CELF2: variants seen among roughly 807,000 people sequenced by gnomAD.
The protein encoded by CELF2 is CUG triplet repeat RNA-binding protein 2.
In CELF2, 8 loss-of-function variants were observed where a neutral mutation model predicts 62.6. That is an observed-to-expected ratio of 0.13 (90% CI 0.07 to 0.23). The LOEUF (loss-of-function observed/expected upper bound fraction) is 0.23. CELF2 is among the 10% of genes least tolerant of loss of function. The pLI is 1.00. For missense variants in CELF2, 333 were observed against 671.0 expected, an observed-to-expected ratio of 0.50 and a Z score of 5.56; for synonymous variants, 258 against 250.0, an observed-to-expected ratio of 1.03 and a Z score of -0.30.
chr10:10,933,104 G>A (rs952353798), intron 2 of CELF2, among the ~76,000 whole-genome samples: 2 of 150,794 alleles, frequency 1.3e-5, no homozygotes, highest in Non-Finnish European at 2.9e-5. Context: ...AGACCAGCTT[G>A]GGCAACATGG....
intron 5 of CELF2, among the ~76,000 whole-genome samples, chr10:11,263,091 C>T (rs1162492519): frequency 2.0e-5 from 3 of 151,844 alleles, no homozygotes; most frequent in Admixed American, 6.6e-5. Flanking sequence ...CCAAAATCTT[C>T]TCTGTGACAG....
intron 1 of CELF2, among the ~76,000 whole-genome samples, chr10:10,900,764 T>C (rs2062879716): frequency 1.3e-5 from 2 of 152,094 alleles, no homozygotes; most frequent in East Asian, 1.9e-4. Context: ...GACACTTATA[T>C]TGAAAAGAAA....
At chr10:11,272,896 G>A (rs556165711) in intron 7 of CELF2, among the ~76,000 whole-genome samples, 8 of 152,250 alleles carry the variant, frequency 5.3e-5, no homozygotes, top group African/African-American at 1.9e-4. Flanking sequence ...ACATCTTCAA[G>A]GCTAGCTTAA....
chr10:10,836,690 C>T (rs1163180846), intron 1 of CELF2, among the ~76,000 whole-genome samples: 2 of 152,180 alleles, frequency 1.3e-5, no homozygotes, highest in Non-Finnish European at 2.9e-5. Context: ...GGCTGGAGTG[C>T]CATGGCACGA....
At chr10:10,636,343 T>C in the CELF2 span, among the ~76,000 whole-genome samples, 2 of 152,244 alleles carry the variant, frequency 1.3e-5, no homozygotes, top group Non-Finnish European at 2.9e-5. Context: ...TAACTATATA[T>C]GACAGATATT....
chr10:11,055,077 C>T (rs2064925331), intron 1 of CELF2, among the ~76,000 whole-genome samples: 3 of 152,324 alleles, frequency 2.0e-5, no homozygotes, highest in Middle Eastern at 3.4e-3. Flanking sequence ...GATTGAATTA[C>T]AGATGTTACT....
chr10:11,315,302 C>CCGGCACCT lies in CELF2; in HGVS notation c.1096+1045_1096+1052dup, dbSNP rs1167611561. Among the ~76,000 whole-genome samples, 3 of 152,234 alleles carry CCGGCACCT rather than the reference C, an allele frequency of 2.0e-5. No individual in the cohort carries two copies. Among genetic ancestry groups the CCGGCACCT allele is most frequent in the Middle Eastern group, 3.4e-3 (1 of 294 alleles). ...TTAGCTACCATGCAGCCCAGGCACC[C>CCGGCACCT]CGGCACCTGCCCATTCTCATTTTTA... On this transcript the variant is annotated intron_variant, in intron 10 of 12. Coordinates refer to ENST00000633077, the MANE Select transcript of CELF2 (RefSeq NM_001326342.2). This position sits in a 1 kb window ranked among gnomAD's most constrained non-coding sequence, Gnocchi z 5.8.
chr10:11,284,122 G>C (rs1315757517), intron 8 of CELF2, among the ~76,000 whole-genome samples: 1 of 132,936 alleles, frequency 7.5e-6, no homozygotes, highest in Admixed American at 7.5e-5. Context: ...TGTGGTAGGT[G>C]GATGATGGAT....
At chr10:10,490,188 A>T in the CELF2 span, among the ~76,000 whole-genome samples, 86,818 of 151,504 alleles carry the variant, frequency 0.57, 24,958 homozygotes, top group Admixed American at 0.65. Context: ...TATCAGATTT[A>T]GCCTAAATAC....
intron 1 of CELF2, among the ~76,000 whole-genome samples, chr10:10,901,064 A>G (rs2062905148): frequency 6.6e-6 from 1 of 152,236 alleles, no homozygotes; most frequent in South Asian, 2.1e-4. Flanking sequence ...CACTGAATTT[A>G]TGGGTCAGAA....
At chr10:10,544,874 A>T in the CELF2 span, among the ~76,000 whole-genome samples, 1 of 152,210 alleles carries the variant, frequency 6.6e-6, no homozygotes, top group African/African-American at 2.4e-5. Context: ...TCACTCCCGA[A>T]TTTGATATTC....
At chr10:10,989,885 A>C (rs1165142072) in intron 2 of CELF2, among the ~76,000 whole-genome samples, 1 of 152,148 alleles carries the variant, frequency 6.6e-6, no homozygotes, top group African/African-American at 2.4e-5. Context: ...ATTTATCTTC[A>C]CTAGTATTCA....
the CELF2 span, among the ~76,000 whole-genome samples, chr10:10,766,297 T>A: frequency 8.5e-5 from 13 of 152,182 alleles, no homozygotes; most frequent in Non-Finnish European, 1.6e-4. Flanking sequence ...TTCTGGGTGA[T>A]GAGGCACACG....
At position 11,314,047 on chromosome 10, in the gene CELF2, C is replaced by G. The variant is rs575195019; in HGVS notation, c.977-92C>G. On this transcript the variant is annotated intron_variant, in intron 9 of 12. Transcript: ENST00000633077. The surrounding 1 kb of genome is among the most constrained non-coding windows in gnomAD (Gnocchi z 5.3). ...AGCCACAAGCACAGCTCCTCAGCTC[C>G]GTCCACTGAGATGATGACAGAAGGA... The G allele has an allele frequency of 7.7e-7, 1 of 1,292,954 alleles. No homozygotes were observed. The highest frequency in any genetic ancestry group is 1.5e-5 in the African/African-American group (1 of 67,774). 80.1% of individuals were successfully genotyped at this position (1,292,954 alleles called of 1,614,324 possible). A position where few individuals can be genotyped will look rare whatever the true frequency, so the allele number is the denominator to read the frequency against.
chr10:10,588,713 G>A, the CELF2 span, among the ~76,000 whole-genome samples: 1 of 152,154 alleles, frequency 6.6e-6, no homozygotes, highest in East Asian at 1.9e-4. Flanking sequence ...ATAGGTCAAG[G>A]GGTAAAAAGG....
At position 10,983,757 on chromosome 10, in the gene CELF2, A is replaced by G. The variant is rs554040249; in HGVS notation, c.89+63758A>G. Among the ~76,000 whole-genome samples, 77 of 152,164 alleles carry G rather than the reference A, an allele frequency of 5.1e-4. No homozygotes were observed. The highest frequency in any genetic ancestry group is 1.8e-3 in the African/African-American group (75 of 41,504). ...TAATTTTTGTATTTTTAGTAAAAAC[A>G]GGATTTCACCATGTTGGCCAGGCTG... On this transcript the variant is annotated intron_variant, in intron 2 of 13. Coordinates refer to the CELF2 transcript ENST00000636488. The surrounding 1 kb of genome is among the most constrained non-coding windows in gnomAD (Gnocchi z 5.2).
the CELF2 span, among the ~76,000 whole-genome samples, chr10:10,478,698 G>A: frequency 5.3e-5 from 8 of 152,266 alleles, no homozygotes; most frequent in South Asian, 2.1e-4. Flanking sequence ...TGCAGGGATC[G>A]TGATGGTAAG....
At chr10:11,034,349 C>T (rs2060614442) in intron 1 of CELF2, among the ~76,000 whole-genome samples, 1 of 132,676 alleles carries the variant, frequency 7.5e-6, no homozygotes, top group Non-Finnish European at 1.6e-5. Flanking sequence ...GGGGCCTCAT[C>T]TTTAATTTTT....
chr10:11,134,390 C>T (rs2060090829), intron 1 of CELF2, among the ~76,000 whole-genome samples: 2 of 152,232 alleles, frequency 1.3e-5, no homozygotes, highest in South Asian at 4.1e-4. Flanking sequence ...CCTCAGAAGA[C>T]TCATCCCCCT....
Sources: allele counts gnomAD v4.1 joint callset (sites outside exome capture counted in the v4.1 genomes callset), GRCh38; gene constraint gnomAD v4.1.1; non-coding constraint Gnocchi (gnomAD v3.1); transcripts MANE v1.5; gene names NCBI Gene and HGNC (gene_info 2026-07-23, HGNC 2026-07-21).